TLE1: variants seen among roughly 807,000 people sequenced by gnomAD.
The protein encoded by TLE1 is TLE family member 1, transcriptional corepressor.
A neutral mutation model predicts 89.8 loss-of-function variants in TLE1; 21 were observed. That is an observed-to-expected ratio of 0.23 (90% CI 0.17 to 0.34). TLE1 has a LOEUF of 0.34. TLE1 is among the 10% of genes least tolerant of loss of function. The pLI, the probability that TLE1 is intolerant of heterozygous loss-of-function variation, is 1.00. For synonymous variants in TLE1, 447 were observed against 407.6 expected (o/e 1.10, Z -1.16); for missense variants, 795 against 1,031.2 (o/e 0.77, Z 3.14).
At chr9:81,647,032 G>C (rs1240112351) in intron 6 of TLE1, among the ~76,000 whole-genome samples, 1 of 151,892 alleles carries the variant, frequency 6.6e-6, no homozygotes, top group East Asian at 1.9e-4. Flanking sequence ...CGAATTTCAT[G>C]GTTTTTTTTT....
intron 4 of TLE1, among the ~76,000 whole-genome samples, chr9:81,666,804 T>TAAATAAATAAATAAATA (rs1554696559): frequency 6.9e-6 from 1 of 145,600 alleles, no homozygotes; most frequent in African/African-American, 2.5e-5. Context: ...AATAAATAAA[T>TAAATAAATAAATAAATA]AAATAAAATA....
At position 81,616,322 on chromosome 9, in the gene TLE1, A is replaced by T. The variant is rs113282087; in HGVS notation, c.766-188T>A. Among the ~76,000 whole-genome samples, 1,147 of 148,352 alleles carry T rather than the reference A, an allele frequency of 7.7e-3. 7 individuals carry two copies. Among genetic ancestry groups the T allele is most frequent in the African/African-American group, 0.026 (1,062 of 40,418 alleles). On this transcript the variant is annotated intron_variant, in intron 10 of 19. Transcript: ENST00000376499. ...GCAAACATACCTGCAAACATGCCAT[A>T]AAAAAAAAACCCCGCAGTCATATCC...
chr9:81,642,290 T>G (rs536427756), intron 6 of TLE1, among the ~76,000 whole-genome samples: 1 of 152,336 alleles, frequency 6.6e-6, no homozygotes, highest in South Asian at 2.1e-4. Flanking sequence ...TGGATTTTTT[T>G]CAGATTTTTA....
intron 4 of TLE1, among the ~76,000 whole-genome samples, chr9:81,655,852 CA>C (rs5898754): frequency 0.67 from 84,449 of 126,850 alleles, 26,016 homozygotes; most frequent in Middle Eastern, 0.75. Flanking sequence ...GACCCTGTCT[CA>C]AAAAAAAAAA....
chr9:81,658,630 A>C (rs1046077877), intron 4 of TLE1, among the ~76,000 whole-genome samples: 3 of 152,184 alleles, frequency 2.0e-5, no homozygotes, highest in Non-Finnish European at 4.4e-5. Context: ...GTCCTCTGAA[A>C]TACCCTGGCT....
At chr9:81,605,448 C>T (rs954533629) in intron 14 of TLE1, among the ~76,000 whole-genome samples, 3 of 151,998 alleles carry the variant, frequency 2.0e-5, no homozygotes, top group African/African-American at 7.2e-5. Context: ...CGGGGCGGGG[C>T]GGGGAACTGG....
intron 16 of TLE1, 117 bp downstream of exon 16, chr9:81,590,688 T>C: frequency 6.6e-7 from 1 of 1,508,668 alleles, no homozygotes; most frequent in South Asian, 1.3e-5. Flanking sequence ...CCTAGCCCCA[T>C]GCCTGGCATT....
At chr9:81,662,282 CT>C (rs1266630531) in intron 4 of TLE1, among the ~76,000 whole-genome samples, 2 of 151,708 alleles carry the variant, frequency 1.3e-5, no homozygotes, top group Admixed American at 6.6e-5. Flanking sequence ...TAAAGTCATA[CT>C]TTGATAATGA....
At chr9:81,683,503 C>A (rs1023843026) in intron 4 of TLE1, among the ~76,000 whole-genome samples, 1 of 152,092 alleles carries the variant, frequency 6.6e-6, no homozygotes, top group African/African-American at 2.4e-5. Context: ...GGGGGCCAGA[C>A]GTCACCAGTT....
chr9:81,673,199 G>T (rs1832446482), intron 4 of TLE1, among the ~76,000 whole-genome samples: 1 of 151,594 alleles, frequency 6.6e-6, no homozygotes, highest in African/African-American at 2.4e-5. Context: ...CTTGAACCTG[G>T]GAGGTGGAGG....
intron 8 of TLE1, among the ~76,000 whole-genome samples, chr9:81,626,153 G>A (rs1825879084): frequency 6.6e-6 from 1 of 152,170 alleles, no homozygotes; most frequent in Non-Finnish European, 1.5e-5. Context: ...GATTTCTTTA[G>A]CTGCCATGCT....
chr9:81,595,759 T>C (rs1184133245), intron 14 of TLE1, among the ~76,000 whole-genome samples: 3 of 144,572 alleles, frequency 2.1e-5, no homozygotes, highest in South Asian at 4.3e-4. Flanking sequence ...GCGGAGCTTG[T>C]GGTGAGCCGA....
intron 7 of TLE1, 133 bp from the exon 8 acceptor site, chr9:81,633,497 A>G: frequency 8.3e-7 from 1 of 1,208,136 alleles, no homozygotes; most frequent in Non-Finnish European, 1.2e-6. Flanking sequence ...TTATTTATAT[A>G]AGTCATTGCA....
intron 8 of TLE1, among the ~76,000 whole-genome samples, chr9:81,623,225 C>A (rs1268081946): frequency 1.3e-5 from 2 of 152,096 alleles, no homozygotes; most frequent in Non-Finnish European, 2.9e-5. Context: ...GTTGTGATTT[C>A]TCCTCGTGCA....
chr9:81,688,653 G>A lies in TLE1; in HGVS notation c.-413C>T, dbSNP rs184746527. On this transcript the variant is annotated 5_prime_UTR_variant, in exon 1 of 20. Coordinates refer to ENST00000376499, the MANE Select transcript of TLE1 (RefSeq NM_005077.5). ...CGCCAGTCCTGGGCAAACAAATCCA[G>A]ACGGACTGCTTTTCTTTGCTCTTCT... 5 of 184,690 alleles carry A rather than the reference G, an allele frequency of 2.7e-5. No homozygotes were observed. The East Asian group carries it at 5.3e-4, about 20-fold the overall frequency. 11.4% of individuals were successfully genotyped at this position (184,690 alleles called of 1,614,324 possible). A position where few individuals can be genotyped will look rare whatever the true frequency, so the allele number is the denominator to read the frequency against.
In TLE1 at chr9:81,584,390, G is replaced by T. The variant is rs555561614; in HGVS notation, c.2205+58C>A. 4.3e-6 allele frequency: 7 copies of T among 1,609,942 alleles called. No homozygotes were observed. In the Admixed American group the frequency reaches 5.0e-5, roughly 12 times the overall value. Reference sequence around the variant, plus strand: ...CTCCCTCGGAGGCACCTTCACTCCTGGCTTCAGAGGCGACACTGTGGTCAA... The same window carrying T: ...CTCCCTCGGAGGCACCTTCACTCCTTGCTTCAGAGGCGACACTGTGGTCAA... On this transcript the variant is annotated intron_variant, in intron 19 of 19. Coordinates refer to ENST00000376499, the MANE Select transcript of TLE1 (RefSeq NM_005077.5).
At chr9:81,607,498 C>T (rs943650344) in intron 14 of TLE1, among the ~76,000 whole-genome samples, 1 of 152,220 alleles carries the variant, frequency 6.6e-6, no homozygotes, top group Non-Finnish European at 1.5e-5. Context: ...GAACACACGC[C>T]CCGTACCTCT....
At chr9:81,614,817 G>C (rs1824207865) in intron 11 of TLE1, among the ~76,000 whole-genome samples, 1 of 151,590 alleles carries the variant, frequency 6.6e-6, no homozygotes, top group South Asian at 2.1e-4. Flanking sequence ...CATAATATCG[G>C]GGCATGCTCT....
chr9:81,687,269 C>A, intron 2 of TLE1, 65 bp downstream of exon 2: 1 of 1,419,758 alleles, frequency 7.0e-7, no homozygotes, highest in Non-Finnish European at 9.7e-7. Context: ...GCCGCCGCCA[C>A]CCGGCTGGGT....
Sources: allele counts gnomAD v4.1 joint callset (sites outside exome capture counted in the v4.1 genomes callset), GRCh38; gene constraint gnomAD v4.1.1; transcripts MANE v1.5; gene names NCBI Gene and HGNC (gene_info 2026-07-23, HGNC 2026-07-21).